Variants in EHD4 observed in about 807,000 individuals in gnomAD.
The protein encoded by EHD4 is EH domain-containing protein 4.
Under a neutral mutation model 51.0 loss-of-function variants are expected in EHD4, and 37 were observed. The observed-to-expected ratio is 0.73, with a 90% CI of 0.56 to 0.95. The LOEUF (loss-of-function observed/expected upper bound fraction) is 0.95, where lower values mean the gene tolerates loss of function less well. Ranked by LOEUF, EHD4 falls within the 40% of genes least tolerant of loss-of-function variation. EHD4 has a pLI of 0.00. For synonymous variants in EHD4, 297 were observed against 317.3 expected (o/e 0.94, Z 0.68); for missense variants, 632 against 733.1 (o/e 0.86, Z 1.59).
intron 5 of EHD4, among the ~76,000 whole-genome samples, chr15:41,905,210 A>G (rs74963984): frequency 0.074 from 11,308 of 152,244 alleles, 486 homozygotes; most frequent in African/African-American, 0.1. Flanking sequence ...AGCTTGCAGT[A>G]TCAGGTGACA....
intron 1 of EHD4, among the ~76,000 whole-genome samples, chr15:41,963,340 T>C (rs186022290): frequency 1.3e-4 from 20 of 150,242 alleles, no homozygotes; most frequent in Non-Finnish European, 1.5e-4. Context: ...GGCTCACGCC[T>C]GTAATCCCAG....
At chr15:41,939,957 C>A (rs1026830064) in intron 3 of EHD4, among the ~76,000 whole-genome samples, 1 of 151,882 alleles carries the variant, frequency 6.6e-6, no homozygotes, top group African/African-American at 2.4e-5. Flanking sequence ...ATTTAGATGA[C>A]GTTTACTCCC....
chr15:41,917,479 C>T (rs558061277), intron 4 of EHD4, among the ~76,000 whole-genome samples: 8 of 152,070 alleles, frequency 5.3e-5, no homozygotes, highest in Non-Finnish European at 1.0e-4. Context: ...CTTCATTTAC[C>T]AATAACTGGT....
At chr15:41,918,357 G>C (rs1446537907) in intron 4 of EHD4, among the ~76,000 whole-genome samples, 1 of 152,156 alleles carries the variant, frequency 6.6e-6, no homozygotes, top group Non-Finnish European at 1.5e-5. Context: ...TGATCAGCCA[G>C]GTTTGAACTT....
chr15:41,959,145 C>A (rs2067907500), intron 1 of EHD4, among the ~76,000 whole-genome samples: 2 of 152,058 alleles, frequency 1.3e-5, no homozygotes, highest in African/African-American at 2.4e-5. Context: ...GTAATCCCAG[C>A]ACTTTGGGAG....
chr15:41,930,436 A>G (rs926072912), intron 3 of EHD4, among the ~76,000 whole-genome samples: 14 of 152,226 alleles, frequency 9.2e-5, no homozygotes, highest in Non-Finnish European at 1.8e-4. Flanking sequence ...AACATTTATA[A>G]GCAAGGCTTT....
intron 3 of EHD4, among the ~76,000 whole-genome samples, chr15:41,924,732 G>A (rs1013402450): frequency 6.6e-6 from 1 of 152,118 alleles, no homozygotes; most frequent in African/African-American, 2.4e-5. Flanking sequence ...ATAGTCACAC[G>A]AGTATGCAAA....
intron 3 of EHD4, among the ~76,000 whole-genome samples, chr15:41,926,420 G>A (rs1020610574): frequency 2.0e-5 from 3 of 152,138 alleles, no homozygotes; most frequent in Non-Finnish European, 4.4e-5. Context: ...GTTCCATGTG[G>A]GCATTCCTAC....
intron 1 of EHD4, among the ~76,000 whole-genome samples, chr15:41,968,196 G>A (rs188036464): frequency 1.3e-5 from 2 of 152,036 alleles, no homozygotes; most frequent in African/African-American, 4.8e-5. Flanking sequence ...CCTTCATACC[G>A]CCCATAAACC....
At chr15:41,912,056 C>T (rs1255395462) in intron 4 of EHD4, among the ~76,000 whole-genome samples, 2 of 152,184 alleles carry the variant, frequency 1.3e-5, no homozygotes, top group African/African-American at 2.4e-5. Context: ...CTGAGTGTCA[C>T]CTGATCCCTC....
intron 5 of EHD4, among the ~76,000 whole-genome samples, chr15:41,906,003 C>T (rs2067509778): frequency 6.6e-6 from 1 of 152,162 alleles, no homozygotes; most frequent in Non-Finnish European, 1.5e-5. Context: ...TTGATTTATT[C>T]CAGGGGCCTA....
At chr15:41,940,541 G>C (rs1296128441) in intron 3 of EHD4, among the ~76,000 whole-genome samples, 1 of 152,296 alleles carries the variant, frequency 6.6e-6, no homozygotes, top group African/African-American at 2.4e-5. Context: ...CCGGGCTTGG[G>C]AACCACAGCT....
rs2067451273 is a variant in EHD4 at position 41,898,060 on chromosome 15, T to G, written c.*2585A>C. 6.6e-6 allele frequency: 1 copy of G among 152,232 alleles called. No individual in the cohort carries two copies. The highest frequency in any genetic ancestry group is 2.4e-5 in the African/African-American group (1 of 41,468). The allele number at this position is 152,232 out of a possible 1,614,324, so 9.4% of individuals were successfully genotyped here. ...CACTTGGTCGCCATCCCTCATATTT[T>G]CTAGTGTTTTCTTTTCCAGTCAACT... On this transcript the variant is annotated 3_prime_UTR_variant, in exon 6 of 6. Coordinates refer to ENST00000220325, the MANE Select transcript of EHD4 (RefSeq NM_139265.4).
At position 41,921,622 on chromosome 15, in the gene EHD4, G is replaced by A. The variant is rs1266352757; in HGVS notation, c.512-2000C>T. 3 of 152,234 alleles carry A rather than the reference G, an allele frequency of 2.0e-5. No homozygotes were observed. In the East Asian group the frequency reaches 5.8e-4, roughly 29 times the overall value. The allele number at this position is 152,234 out of a possible 1,614,324, so 9.4% of individuals were successfully genotyped here. The stretch of plus-strand genomic sequence containing the variant: ...TGCATGGGGACTTGCTTTTCCAGGA[G>A]AGATGATTGATTCACCATGCTGACC... On this transcript the variant is annotated intron_variant, in intron 3 of 5. Transcript: ENST00000220325.
At chr15:41,941,320 C>T (rs772877768) in intron 3 of EHD4, among the ~76,000 whole-genome samples, 1 of 152,086 alleles carries the variant, frequency 6.6e-6, no homozygotes, top group Admixed American at 6.5e-5. Context: ...GGAATGATGT[C>T]CAAGGTAGAC....
At chr15:41,910,539 T>C (rs144281731) in intron 4 of EHD4, among the ~76,000 whole-genome samples, 3 of 152,204 alleles carry the variant, frequency 2.0e-5, no homozygotes, top group Admixed American at 2.0e-4. Flanking sequence ...AACTTCAGGA[T>C]ATTAAGAAAT....
intron 2 of EHD4, among the ~76,000 whole-genome samples, chr15:41,944,679 G>A (rs1490959724): frequency 6.6e-6 from 1 of 152,180 alleles, no homozygotes; most frequent in Non-Finnish European, 1.5e-5. Flanking sequence ...TCCTTTTGCA[G>A]GTGGAAAAGT....
At chr15:41,942,943 C>T in intron 3 of EHD4, 124 bp downstream of exon 3, 1 of 901,944 alleles carries the variant, frequency 1.1e-6, no homozygotes, top group Middle Eastern at 2.2e-4. Flanking sequence ...ACTTGGGGCC[C>T]CTTCAGCTGC....
chr15:41,944,978 C>T (rs2067801800), intron 2 of EHD4, among the ~76,000 whole-genome samples: 2 of 152,244 alleles, frequency 1.3e-5, no homozygotes, highest in African/African-American at 2.4e-5. Context: ...GCTCACCAAG[C>T]ATTCTTTGTA....
Sources: allele counts gnomAD v4.1 joint callset (sites outside exome capture counted in the v4.1 genomes callset), GRCh38; gene constraint gnomAD v4.1.1; transcripts MANE v1.5; gene names NCBI Gene and HGNC (gene_info 2026-07-23, HGNC 2026-07-21).